EYS: variants seen among roughly 807,000 people sequenced by gnomAD.
EYS encodes the protein EGF-like photoreceptor maintenance factor.
Under a neutral mutation model 282.1 loss-of-function variants are expected in EYS, and 250 were observed. The observed-to-expected ratio is 0.89, with a 90% confidence interval of 0.80 to 0.98. The LOEUF (loss-of-function observed/expected upper bound fraction) is 0.98, where lower values mean the gene tolerates loss of function less well. Among genes scored for constraint, EYS ranks in the 50% least tolerant of loss-of-function variants. The probability of loss-of-function intolerance (pLI) is 0.00; values close to 1 mark genes in which losing one functional copy is unlikely to be tolerated. For missense variants in EYS, 4,016 were observed against 3,709.0 expected (o/e 1.08, Z -2.15); for synonymous variants, 1,355 against 1,282.9 (o/e 1.06, Z -1.20).
intron 11 of EYS, among the ~76,000 whole-genome samples, chr6:65,314,561 G>GGTGTGTGTGTGTGT (rs4032795): frequency 2.3e-4 from 24 of 106,340 alleles, no homozygotes; most frequent in African/African-American, 7.7e-4. Context: ...TTCCCCTTAT[G>GGTGTGTGTGTGTGT]GTGTGTGTGT....
intron 5 of EYS, 152 bp from the exon 6 acceptor site, chr6:65,405,519 A>T (rs1766700325): frequency 1.5e-6 from 1 of 671,254 alleles, no homozygotes; most frequent in African/African-American, 1.8e-5. Context: ...GTTATATATT[A>T]TAAAATTCAT....
At chr6:65,680,194 C>T (rs1372525303) in intron 1 of EYS, among the ~76,000 whole-genome samples, 4 of 151,594 alleles carry the variant, frequency 2.6e-5, no homozygotes, top group East Asian at 1.9e-4. Flanking sequence ...ATGTGGGTCA[C>T]GTATCTTCAC....
At chr6:65,545,524 G>GA (rs1768352314) in intron 2 of EYS, among the ~76,000 whole-genome samples, 1 of 152,088 alleles carries the variant, frequency 6.6e-6, no homozygotes, top group Non-Finnish European at 1.5e-5. Flanking sequence ...TGTCAATGAA[G>GA]AAAGTGGGAT....
intron 33 of EYS, among the ~76,000 whole-genome samples, chr6:64,043,310 G>C (rs998753583): frequency 1.3e-5 from 2 of 152,196 alleles, no homozygotes; most frequent in African/African-American, 4.8e-5. Flanking sequence ...ACAAGGCTCA[G>C]TACTCCATAT....
At chr6:64,230,018 G>A (rs1420632774) in intron 31 of EYS, among the ~76,000 whole-genome samples, 1 of 152,126 alleles carries the variant, frequency 6.6e-6, no homozygotes, top group Admixed American at 6.6e-5. Context: ...GGGTGTTTCT[G>A]GCTTTAGTTG....
intron 8 of EYS, among the ~76,000 whole-genome samples, chr6:65,375,495 C>T (rs868603642): frequency 1.4e-4 from 21 of 152,030 alleles, no homozygotes; most frequent in African/African-American, 3.9e-4. Context: ...CAAATGATCA[C>T]GACTCCTCTC....
At chr6:65,059,345 C>G (rs551078473) in intron 12 of EYS, among the ~76,000 whole-genome samples, 1 of 152,084 alleles carries the variant, frequency 6.6e-6, no homozygotes, top group East Asian at 1.9e-4. Flanking sequence ...TTTTTAAGAG[C>G]TGGGGTAAGA....
At chr6:65,166,431 A>G (rs894524869) in intron 12 of EYS, among the ~76,000 whole-genome samples, 45 of 151,338 alleles carry the variant, frequency 3.0e-4, no homozygotes, top group Middle Eastern at 3.4e-3. Flanking sequence ...ATTTCCTCAC[A>G]TTTATGGTCA....
chr6:65,023,381 T>C (rs939143526), intron 13 of EYS, among the ~76,000 whole-genome samples: 30 of 152,296 alleles, frequency 2.0e-4, no homozygotes, highest in Non-Finnish European at 1.8e-4. Context: ...GGAACAGATA[T>C]AATACTCTAA....
chr6:65,221,155 G>A (rs1237028229), intron 12 of EYS, among the ~76,000 whole-genome samples: 1 of 152,180 alleles, frequency 6.6e-6, no homozygotes, highest in Non-Finnish European at 1.5e-5. Context: ...GCCCAATGAT[G>A]CAATGGAAAA....
rs558850752 is a variant in EYS at position 65,443,368 on chromosome 6, A to G, written c.863-38001T>C. On this transcript the variant is annotated intron_variant, in intron 5 of 42. Coordinates refer to ENST00000503581, the MANE Select transcript of EYS (RefSeq NM_001142800.2). ...CATATAGACATATATGCATACATGTATGTACACATATAGACATATATGCAT... is the reference window on the plus strand; with the variant it reads ...CATATAGACATATATGCATACATGTGTGTACACATATAGACATATATGCAT... Among the ~76,000 whole-genome samples the G allele has an allele frequency of 9.9e-3, 1,328 of 133,654 alleles. 70 individuals carry two copies. The highest frequency in any genetic ancestry group is 0.034 in the African/African-American group (1,189 of 34,536). The allele number at this position is 133,654 out of a possible 152,430, so 87.7% of individuals were successfully genotyped here.
intron 1 of EYS, among the ~76,000 whole-genome samples, chr6:65,672,745 A>T (rs1314605165): frequency 2.0e-5 from 3 of 152,180 alleles, no homozygotes; most frequent in Non-Finnish European, 4.4e-5. Flanking sequence ...TAAAATGACA[A>T]CATCAACAAA....
rs183935181 is a variant in EYS at position 64,691,203 on chromosome 6, T to A, written c.3444-64958A>T. ...AGTACGCATGTAACATTAGATTTCA[T>A]AGTGAAATATTAACTATGCAGTCTT... is the stretch of plus-strand genomic sequence containing the variant. On this transcript the variant is annotated intron_variant, in intron 22 of 42. Transcript: ENST00000503581. Among the ~76,000 whole-genome samples, 41 of 152,288 alleles carry A rather than the reference T, an allele frequency of 2.7e-4. No homozygotes were observed. In the East Asian group the frequency reaches 6.6e-3, roughly 24 times the overall value.
intron 26 of EYS, among the ~76,000 whole-genome samples, chr6:64,539,023 T>C (rs763329437): frequency 3.3e-5 from 5 of 152,216 alleles, no homozygotes; most frequent in Non-Finnish European, 7.3e-5. Flanking sequence ...AAACACAGAC[T>C]GTCATATAAA....
chr6:64,230,851 C>T (rs993116227), intron 30 of EYS, 27 bp from the exon 31 acceptor site: 1 of 1,380,130 alleles, frequency 7.2e-7, no homozygotes, highest in African/African-American at 1.4e-5. Context: ...GACAAGAAAA[C>T]AAAATATAAG....
At chr6:65,065,038 T>C (rs1773703348) in intron 12 of EYS, among the ~76,000 whole-genome samples, 1 of 152,094 alleles carries the variant, frequency 6.6e-6, no homozygotes, top group Non-Finnish European at 1.5e-5. Context: ...ATCTGATTCT[T>C]TGTGTGAGTA....
At chr6:64,755,497 TACAC>T (rs56705165) in intron 22 of EYS, among the ~76,000 whole-genome samples, 9,437 of 138,552 alleles carry the variant, frequency 0.068, 435 homozygotes, top group African/African-American at 0.12. Context: ...AGAACATACA[TACAC>T]ACACACACAC....
chr6:65,704,527 A>G (rs1769804430), intron 1 of EYS, among the ~76,000 whole-genome samples: 1 of 152,212 alleles, frequency 6.6e-6, no homozygotes, highest in Admixed American at 6.5e-5. Flanking sequence ...TGCTTGATGG[A>G]GAGTATATCT....
At chr6:63,971,872 A>G (rs1766592836) in intron 35 of EYS, among the ~76,000 whole-genome samples, 1 of 152,216 alleles carries the variant, frequency 6.6e-6, no homozygotes, top group Non-Finnish European at 1.5e-5. Flanking sequence ...ACAAAATCAC[A>G]TATCTTAAAG....
Sources: gnomAD v4.1 joint callset for allele counts (sites outside exome capture counted in the v4.1 genomes callset) on GRCh38, gnomAD v4.1.1 for gene constraint, MANE v1.5 for transcripts, NCBI Gene and HGNC (gene_info 2026-07-23, HGNC 2026-07-21) for gene names.